EIF4G3: variants seen among roughly 807,000 people sequenced by gnomAD.
The protein encoded by EIF4G3 is eukaryotic translation initiation factor 4 gamma 3.
A neutral mutation model predicts 186.4 loss-of-function variants in EIF4G3; 34 were observed. The observed-to-expected ratio is 0.18, with a 90% confidence interval of 0.14 to 0.24. EIF4G3 has a LOEUF of 0.24. EIF4G3 is among the 10% of genes least tolerant of loss of function. The probability of loss-of-function intolerance (pLI) is 1.00; values close to 1 mark genes in which losing one functional copy is unlikely to be tolerated. For synonymous variants in EIF4G3, 673 were observed against 679.5 expected (o/e 0.99, Z 0.15); for missense variants, 1,536 against 1,948.5 (o/e 0.79, Z 3.99).
intron 2 of EIF4G3, among the ~76,000 whole-genome samples, chr1:21,173,459 G>A (rs2098032005): frequency 6.6e-6 from 1 of 152,136 alleles, no homozygotes; most frequent in Non-Finnish European, 1.5e-5. Context: ...GGCTGAGGCA[G>A]GCGGATCACC....
intron 12 of EIF4G3, among the ~76,000 whole-genome samples, chr1:20,958,922 C>T (rs536559868): frequency 1.4e-4 from 21 of 152,210 alleles, no homozygotes; most frequent in African/African-American, 4.8e-4. Flanking sequence ...AATGGAAATG[C>T]ATCCCATAAT....
intron 18 of EIF4G3, among the ~76,000 whole-genome samples, chr1:20,887,128 C>A (rs1371137861): frequency 6.6e-6 from 1 of 152,036 alleles, no homozygotes; most frequent in African/African-American, 2.4e-5. Flanking sequence ...ATACTAAGCT[C>A]TGCTACCTTC....
intron 2 of EIF4G3, among the ~76,000 whole-genome samples, chr1:21,105,440 A>C (rs1386317771): frequency 7.1e-6 from 1 of 141,378 alleles, no homozygotes; most frequent in Non-Finnish European, 1.6e-5. Flanking sequence ...AAAAAAAAAG[A>C]AAAAAAAAAA....
At chr1:20,933,747 G>T (rs1157898697) in intron 14 of EIF4G3, among the ~76,000 whole-genome samples, 1 of 152,132 alleles carries the variant, frequency 6.6e-6, no homozygotes, top group Non-Finnish European at 1.5e-5. Flanking sequence ...GTCAACAGTG[G>T]CTTCAGGGTT....
chr1:20,982,485 A>G (rs1254482154), intron 7 of EIF4G3, 77 bp from the exon 8 acceptor site: 1 of 1,120,826 alleles, frequency 8.9e-7, no homozygotes, highest in African/African-American at 1.6e-5. Context: ...GTTGGAAGGG[A>G]CAGGAAATAG....
chr1:21,120,779 C>T (rs2096912757), intron 2 of EIF4G3, among the ~76,000 whole-genome samples: 1 of 152,136 alleles, frequency 6.6e-6, no homozygotes, highest in Non-Finnish European at 1.5e-5. Flanking sequence ...TGAATCTCAA[C>T]TCACATTACT....
intron 14 of EIF4G3, among the ~76,000 whole-genome samples, chr1:20,937,643 A>C (rs1415041569): frequency 6.6e-6 from 1 of 152,242 alleles, no homozygotes; most frequent in African/African-American, 2.4e-5. Context: ...AAAAATAATA[A>C]AATAAAAAAG....
intron 2 of EIF4G3, among the ~76,000 whole-genome samples, chr1:21,129,904 CAAAGCCACATCTAT>C (rs1002316348): frequency 1.4e-4 from 21 of 152,228 alleles, no homozygotes; most frequent in Non-Finnish European, 2.9e-4. Flanking sequence ...GTAACACTGA[CAAAGCCACATCTAT>C]GAGGCCAGAT....
intron 10 of EIF4G3, 126 bp downstream of exon 10, chr1:20,980,208 T>C (rs890333994): frequency 2.6e-5 from 17 of 653,070 alleles, no homozygotes; most frequent in South Asian, 8.3e-5. Flanking sequence ...AAGAAAGAAC[T>C]GTTAGCAGCA....
intron 35 of EIF4G3, among the ~76,000 whole-genome samples, chr1:20,812,194 G>A (rs1437341079): frequency 3.3e-5 from 5 of 152,148 alleles, no homozygotes; most frequent in Non-Finnish European, 7.3e-5. Context: ...AGGCTGAGGC[G>A]ATAGGATCCG....
intron 7 of EIF4G3, among the ~76,000 whole-genome samples, chr1:20,997,173 G>C (rs989750375): frequency 1.3e-5 from 2 of 151,892 alleles, no homozygotes; most frequent in Non-Finnish European, 2.9e-5. Context: ...AGTTTAAGTG[G>C]TTTTAGAAAT....
In EIF4G3 at chr1:21,139,605, A is replaced by C. The variant is rs544759195; in HGVS notation, c.-272+36570T>G. 5.3e-5 allele frequency among the ~76,000 whole-genome samples: 8 copies of C among 152,318 alleles called. No homozygotes were observed. In the East Asian group the frequency reaches 1.3e-3, roughly 26 times the overall value. On this transcript the variant is annotated intron_variant, in intron 2 of 36. Coordinates refer to ENST00000602326, the MANE Select transcript of EIF4G3 (RefSeq NM_001391906.1). ...TATATTATATGCAAGACCTAAATGA[A>C]CTCACTACTGAGCATCCTAATTCTC...
intron 3 of EIF4G3, among the ~76,000 whole-genome samples, chr1:21,075,786 T>C (rs1052927407): frequency 6.6e-6 from 1 of 151,796 alleles, no homozygotes; most frequent in African/African-American, 2.4e-5. Context: ...ATATAACAAT[T>C]ATAAATACAT....
At chr1:20,834,174 C>T (rs888754243) in intron 30 of EIF4G3, among the ~76,000 whole-genome samples, 10 of 152,090 alleles carry the variant, frequency 6.6e-5, no homozygotes, top group East Asian at 3.9e-4. Flanking sequence ...TCCGGCCAGG[C>T]GCAATGGCTC....
chr1:20,975,153 A>C (rs1331415508), intron 10 of EIF4G3, among the ~76,000 whole-genome samples: 1 of 152,172 alleles, frequency 6.6e-6, no homozygotes, highest in Non-Finnish European at 1.5e-5. Context: ...AAGACCAAAA[A>C]AAAAATCTCA....
intron 7 of EIF4G3, among the ~76,000 whole-genome samples, chr1:20,995,354 T>C (rs928569227): frequency 1.3e-5 from 2 of 152,268 alleles, no homozygotes; most frequent in African/African-American, 4.8e-5. Context: ...CCAGGCTATT[T>C]AGTAACATGG....
intron 4 of EIF4G3, among the ~76,000 whole-genome samples, chr1:21,028,508 C>A (rs2092406163): frequency 6.6e-6 from 1 of 152,198 alleles, no homozygotes; most frequent in Non-Finnish European, 1.5e-5. Flanking sequence ...AGGAGGAATA[C>A]AGAGTGGCTT....
chr1:21,069,671 C>T (rs528765121), intron 3 of EIF4G3, among the ~76,000 whole-genome samples: 2 of 152,270 alleles, frequency 1.3e-5, no homozygotes, highest in African/African-American at 4.8e-5. Flanking sequence ...ACTTCAAACA[C>T]ATTTTAGGCT....
chr1:20,947,263 G>A (rs1319728725), intron 13 of EIF4G3, among the ~76,000 whole-genome samples: 1 of 151,950 alleles, frequency 6.6e-6, no homozygotes, highest in African/African-American at 2.4e-5. Context: ...AGGACTGCTT[G>A]AGCCTGGGAG....
Sources: allele counts gnomAD v4.1 joint callset (sites outside exome capture counted in the v4.1 genomes callset), GRCh38; gene constraint gnomAD v4.1.1; transcripts MANE v1.5; gene names NCBI Gene and HGNC (gene_info 2026-07-23, HGNC 2026-07-21).